Variants in DIAPH3 observed in about 807,000 individuals in gnomAD.
DIAPH3 encodes the protein diaphanous related formin 3, also known as protein diaphanous homolog 3.
Under a neutral mutation model 144.3 loss-of-function variants are expected in DIAPH3, and 117 were observed. The observed-to-expected ratio is 0.81, with a 90% CI of 0.70 to 0.95. The LOEUF (loss-of-function observed/expected upper bound fraction) is 0.95. DIAPH3 is among the 40% of genes least tolerant of loss of function. The pLI, the probability that DIAPH3 is intolerant of heterozygous loss-of-function variation, is 0.00. For missense variants in DIAPH3, 1,421 were observed against 1,412.7 expected (o/e 1.01, Z -0.09); for synonymous variants, 519 against 488.9 (o/e 1.06, Z -0.81).
chr13:59,871,505 A>C (rs1349598891), intron 21 of DIAPH3, among the ~76,000 whole-genome samples: 1 of 152,194 alleles, frequency 6.6e-6, no homozygotes, highest in East Asian at 1.9e-4. Context: ...CTCATTAATG[A>C]ATGTTACATT....
chr13:59,897,550 C>G (rs538197637), intron 20 of DIAPH3, among the ~76,000 whole-genome samples: 3 of 151,116 alleles, frequency 2.0e-5, no homozygotes, highest in Admixed American at 2.0e-4. Flanking sequence ...GAGTTCGAGA[C>G]CAGCCTGGCT....
At chr13:59,870,165 CTT>C (rs35111180) in intron 21 of DIAPH3, among the ~76,000 whole-genome samples, 4 of 143,684 alleles carry the variant, frequency 2.8e-5, no homozygotes, top group African/African-American at 2.5e-5. Flanking sequence ...GGTCTGGCAA[CTT>C]TTTTTTTTTT....
intron 27 of DIAPH3, among the ~76,000 whole-genome samples, chr13:59,682,787 G>A (rs2033012239): frequency 6.6e-6 from 1 of 152,022 alleles, no homozygotes; most frequent in Non-Finnish European, 1.5e-5. Context: ...CCAAAACATA[G>A]CGATGCCAAC....
chr13:60,027,626 G>A (rs1195360048), intron 5 of DIAPH3, among the ~76,000 whole-genome samples: 1 of 152,002 alleles, frequency 6.6e-6, no homozygotes, highest in African/African-American at 2.4e-5. Flanking sequence ...AACAAGTATG[G>A]ATTTTAAAAC....
chr13:59,999,750 T>A (rs2052413208), intron 9 of DIAPH3, among the ~76,000 whole-genome samples: 1 of 151,414 alleles, frequency 6.6e-6, no homozygotes, highest in African/African-American at 2.4e-5. Context: ...TCCTTCCCAC[T>A]CTCCTTCACC....
chr13:60,101,757 C>A (rs1180694285), intron 3 of DIAPH3, among the ~76,000 whole-genome samples: 2 of 152,130 alleles, frequency 1.3e-5, no homozygotes, highest in South Asian at 2.1e-4. Context: ...CAGGCATCAT[C>A]AGAATCTCCA....
intron 24 of DIAPH3, among the ~76,000 whole-genome samples, chr13:59,813,159 T>G (rs1327702634): frequency 6.6e-6 from 1 of 152,042 alleles, no homozygotes; most frequent in East Asian, 1.9e-4. Flanking sequence ...AAAAAAAGTT[T>G]AATCTGGCTA....
intron 3 of DIAPH3, among the ~76,000 whole-genome samples, chr13:60,102,665 C>T (rs2058304375): frequency 2.0e-5 from 3 of 152,108 alleles, no homozygotes; most frequent in Non-Finnish European, 4.4e-5. Flanking sequence ...ATCTTCAGGT[C>T]GTGGCACTGA....
At chr13:59,802,490 CAA>C (rs1271680001) in intron 25 of DIAPH3, among the ~76,000 whole-genome samples, 1 of 148,734 alleles carries the variant, frequency 6.7e-6, no homozygotes, top group Admixed American at 6.7e-5. Context: ...ATCAAAATAA[CAA>C]TAACTCATTA....
intron 27 of DIAPH3, among the ~76,000 whole-genome samples, chr13:59,719,089 C>CA (rs1470421752): frequency 2.6e-5 from 4 of 151,876 alleles, no homozygotes; most frequent in African/African-American, 4.8e-5. Flanking sequence ...TTTTCTTTAG[C>CA]AAAAAAACAA....
chr13:60,071,171 G>T (rs551777166), intron 4 of DIAPH3, among the ~76,000 whole-genome samples: 3 of 152,202 alleles, frequency 2.0e-5, no homozygotes, highest in African/African-American at 7.2e-5. Context: ...AGTCATTATT[G>T]TGTTATTTAC....
chr13:59,737,009 G>A (rs2036187346), intron 27 of DIAPH3, among the ~76,000 whole-genome samples: 1 of 152,096 alleles, frequency 6.6e-6, no homozygotes, highest in African/African-American at 2.4e-5. Flanking sequence ...ACACGAGATG[G>A]ACTAAGGAGT....
At chr13:59,667,278 A>G (rs1466101951) in intron 27 of DIAPH3, among the ~76,000 whole-genome samples, 1 of 152,118 alleles carries the variant, frequency 6.6e-6, no homozygotes, top group Non-Finnish European at 1.5e-5. Flanking sequence ...CTGGACACAC[A>G]ATATATTTGC....
At chr13:59,988,038 A>G (rs187770473) in intron 12 of DIAPH3, among the ~76,000 whole-genome samples, 18 of 151,818 alleles carry the variant, frequency 1.2e-4, no homozygotes, top group Non-Finnish European at 2.4e-4. Context: ...TCCTTTCCAT[A>G]AACTATGACC....
chr13:59,993,707 A>AACAAAAAAC (rs2051991343), intron 9 of DIAPH3, among the ~76,000 whole-genome samples: 1 of 148,168 alleles, frequency 6.7e-6, no homozygotes, highest in Non-Finnish European at 1.5e-5. Context: ...ATACTTAAAA[A>AACAAAAAAC]AAAAAAAAAA....
intron 3 of DIAPH3, 56 bp downstream of exon 3, chr13:60,111,954 T>C (rs2058580469): frequency 6.3e-7 from 1 of 1,588,158 alleles, no homozygotes. Flanking sequence ...TCCATTAACA[T>C]GAGCAAAAGC....
At chr13:60,085,942 G>C (rs1014808103) in intron 4 of DIAPH3, among the ~76,000 whole-genome samples, 1 of 151,974 alleles carries the variant, frequency 6.6e-6, no homozygotes, top group Non-Finnish European at 1.5e-5. Context: ...TCAGTGACAG[G>C]GTGAAAATGA....
At chr13:59,790,517 T>C (rs904136703) in intron 25 of DIAPH3, among the ~76,000 whole-genome samples, 1 of 152,350 alleles carries the variant, frequency 6.6e-6, no homozygotes, top group South Asian at 2.1e-4. Flanking sequence ...CTTTGTTTCA[T>C]TTTAAAGGAG....
intron 27 of DIAPH3, among the ~76,000 whole-genome samples, chr13:59,696,858 C>T (rs145898516): frequency 4.6e-5 from 7 of 152,074 alleles, no homozygotes; most frequent in African/African-American, 1.7e-4. Flanking sequence ...TTTGCTTCTG[C>T]TTGCAGAAAG....
Sources: gnomAD v4.1 joint callset for allele counts (sites outside exome capture counted in the v4.1 genomes callset) on GRCh38, gnomAD v4.1.1 for gene constraint, MANE v1.5 for transcripts, NCBI Gene and HGNC (gene_info 2026-07-23, HGNC 2026-07-21) for gene names.